Variants in ZNF385B observed in about 807,000 individuals in gnomAD.
The protein encoded by ZNF385B is zinc finger protein 385B.
Under a neutral mutation model 39.2 loss-of-function variants are expected in ZNF385B, and 23 were observed. The ratio of observed to expected loss-of-function variants is 0.59; its 90% confidence interval spans 0.42 to 0.83. The LOEUF (loss-of-function observed/expected upper bound fraction) is 0.83. Among genes scored for constraint, ZNF385B ranks in the 40% least tolerant of loss-of-function variants. The pLI, the probability that ZNF385B is intolerant of heterozygous loss-of-function variation, is 0.00. For missense variants in ZNF385B, 552 were observed against 598.9 expected (o/e 0.92, Z 0.82); for synonymous variants, 205 against 222.6 (o/e 0.92, Z 0.70).
chr2:179,728,689 CA>C (rs980666843), intron 3 of ZNF385B, among the ~76,000 whole-genome samples: 1 of 152,028 alleles, frequency 6.6e-6, no homozygotes, highest in Non-Finnish European at 1.5e-5. Context: ...CTGATGTCAT[CA>C]AAAAATCTTT....
chr2:179,509,823 A>G (rs2057529829), intron 5 of ZNF385B, among the ~76,000 whole-genome samples: 1 of 152,208 alleles, frequency 6.6e-6, no homozygotes, highest in Non-Finnish European at 1.5e-5. Flanking sequence ...TAAACTTTGC[A>G]ACTAGCTTTT....
rs531227207 is a variant in ZNF385B at position 179,741,819 on chromosome 2, A to C, written c.298+27684T>G. Reference sequence around the variant, plus strand: ...ATTCCAAAGATTTTCTTCTAGGTCAAGTTTGCAAGTTACTCTGCCTCTCGG... The same window carrying C: ...ATTCCAAAGATTTTCTTCTAGGTCACGTTTGCAAGTTACTCTGCCTCTCGG... On this transcript the variant is annotated intron_variant, in intron 3 of 9. Transcript: ENST00000410066. Among the ~76,000 whole-genome samples, 5 of 152,212 alleles carry C rather than the reference A, an allele frequency of 3.3e-5. No homozygotes were observed. In the South Asian group the frequency reaches 1.0e-3, roughly 32 times the overall value.
intron 5 of ZNF385B, among the ~76,000 whole-genome samples, chr2:179,497,964 A>G (rs2056399857): frequency 6.6e-6 from 1 of 152,144 alleles, no homozygotes; most frequent in Non-Finnish European, 1.5e-5. Context: ...TATAAGAGAC[A>G]AAGAAGGTCA....
intron 3 of ZNF385B, among the ~76,000 whole-genome samples, chr2:179,707,675 C>T (rs1699713240): frequency 6.6e-6 from 1 of 152,184 alleles, no homozygotes; most frequent in African/African-American, 2.4e-5. Flanking sequence ...CAAGCAGCCC[C>T]CAACTTAGGG....
chr2:179,677,174 AAG>A (rs1696947208), intron 3 of ZNF385B, among the ~76,000 whole-genome samples: 2 of 152,220 alleles, frequency 1.3e-5, no homozygotes, highest in African/African-American at 2.4e-5. Flanking sequence ...TTGTCTGCAA[AAG>A]AGACATGCAC....
At chr2:179,486,811 G>T (rs752590210) in intron 5 of ZNF385B, among the ~76,000 whole-genome samples, 2 of 152,180 alleles carry the variant, frequency 1.3e-5, no homozygotes, top group Non-Finnish European at 2.9e-5. Context: ...AACTTCTTGT[G>T]GGGAGGAGGT....
At chr2:179,478,999 T>G (rs1049964672) in intron 6 of ZNF385B, among the ~76,000 whole-genome samples, 1 of 152,200 alleles carries the variant, frequency 6.6e-6, no homozygotes, top group African/African-American at 2.4e-5. Context: ...TGCCTAATGC[T>G]TGCTGTGTTT....
At chr2:179,852,760 A>T (rs1444767143) in intron 1 of ZNF385B, among the ~76,000 whole-genome samples, 1 of 152,218 alleles carries the variant, frequency 6.6e-6, no homozygotes, top group African/African-American at 2.4e-5. Context: ...ATACTTACTT[A>T]GATTACTGGG....
intron 3 of ZNF385B, among the ~76,000 whole-genome samples, chr2:179,665,451 A>T (rs1695023141): frequency 6.6e-6 from 1 of 152,220 alleles, no homozygotes; most frequent in African/African-American, 2.4e-5. Context: ...TACGGTGACA[A>T]TGCCATTTCT....
intron 3 of ZNF385B, among the ~76,000 whole-genome samples, chr2:179,643,298 G>A (rs1692431532): frequency 6.6e-6 from 1 of 152,064 alleles, no homozygotes; most frequent in African/African-American, 2.4e-5. Flanking sequence ...ACATTTAGAT[G>A]ATCTGTGTGT....
chr2:179,823,373 C>G (rs1186744209), intron 1 of ZNF385B, among the ~76,000 whole-genome samples: 1 of 152,136 alleles, frequency 6.6e-6, no homozygotes, highest in East Asian at 1.9e-4. Flanking sequence ...ACCTACTTTT[C>G]TTTTCCAGGC....
intron 1 of ZNF385B, among the ~76,000 whole-genome samples, chr2:179,844,928 C>T (rs1203319903): frequency 1.3e-5 from 2 of 152,160 alleles, no homozygotes; most frequent in Non-Finnish European, 2.9e-5. Flanking sequence ...ATGTCCAGGA[C>T]TTATTTATCC....
At chr2:179,561,668 G>A (rs1559481858) in intron 3 of ZNF385B, among the ~76,000 whole-genome samples, 1 of 151,184 alleles carries the variant, frequency 6.6e-6, no homozygotes. Flanking sequence ...AAAGGTGGGG[G>A]AAAATAAAGT....
intron 3 of ZNF385B, among the ~76,000 whole-genome samples, chr2:179,748,232 T>A (rs907615598): frequency 2.6e-5 from 4 of 151,492 alleles, no homozygotes; most frequent in Admixed American, 6.6e-5. Context: ...AACTAGGACA[T>A]GGAAAAGATA....
At chr2:179,652,385 T>C (rs928997901) in intron 3 of ZNF385B, among the ~76,000 whole-genome samples, 1 of 152,170 alleles carries the variant, frequency 6.6e-6, no homozygotes, top group Non-Finnish European at 1.5e-5. Flanking sequence ...ACTGAATTGT[T>C]CTGTGTGTAT....
chr2:179,602,855 C>T (rs1389534018), intron 3 of ZNF385B, among the ~76,000 whole-genome samples: 2 of 152,146 alleles, frequency 1.3e-5, no homozygotes, highest in African/African-American at 4.8e-5. Flanking sequence ...TGCATTGCCA[C>T]AGGTATGTCT....
At chr2:179,821,567 G>A (rs1046542681) in intron 1 of ZNF385B, among the ~76,000 whole-genome samples, 1 of 152,078 alleles carries the variant, frequency 6.6e-6, no homozygotes. Context: ...ACACTTCACA[G>A]TTTCCCAGGA....
intron 3 of ZNF385B, among the ~76,000 whole-genome samples, chr2:179,631,967 A>C (rs1338869745): frequency 6.6e-6 from 1 of 152,212 alleles, no homozygotes; most frequent in African/African-American, 2.4e-5. Flanking sequence ...ATAATGGTAA[A>C]GGGATCAATT....
intron 3 of ZNF385B, among the ~76,000 whole-genome samples, chr2:179,714,044 A>G (rs745756985): frequency 5.3e-5 from 8 of 152,228 alleles, no homozygotes; most frequent in Non-Finnish European, 1.0e-4. Context: ...TGAATGTTGG[A>G]AAGTCAAGCA....
Sources: gnomAD v4.1 joint callset for allele counts (sites outside exome capture counted in the v4.1 genomes callset) on GRCh38, gnomAD v4.1.1 for gene constraint, MANE v1.5 for transcripts, NCBI Gene and HGNC (gene_info 2026-07-23, HGNC 2026-07-21) for gene names.